Variants in TTC28 observed in about 807,000 individuals in gnomAD.
The protein encoded by TTC28 is tetratricopeptide repeat protein 28.
In TTC28, 61 loss-of-function variants were observed where a neutral mutation model predicts 198.0. The ratio of observed to expected loss-of-function variants is 0.31; its 90% CI spans 0.25 to 0.38. TTC28 has a LOEUF of 0.38. Ranked by LOEUF, TTC28 falls within the 10% of genes least tolerant of loss-of-function variation. The pLI, the probability that TTC28 is intolerant of heterozygous loss-of-function variation, is 1.00. For synonymous variants in TTC28, 1,171 were observed against 1,297.8 expected (o/e 0.90, Z 2.10); for missense variants, 2,678 against 3,164.0 (o/e 0.85, Z 3.69).
intron 2 of TTC28, among the ~76,000 whole-genome samples, chr22:28,440,772 G>A (rs1318070784): frequency 1.3e-5 from 2 of 152,208 alleles, no homozygotes; most frequent in African/African-American, 4.8e-5. Context: ...ATCTGATCAT[G>A]TGAGTATTCT....
At chr22:28,449,894 G>A (rs1601412473) in intron 2 of TTC28, among the ~76,000 whole-genome samples, 1 of 152,058 alleles carries the variant, frequency 6.6e-6, no homozygotes, top group African/African-American at 2.4e-5. Context: ...TTCATGAAAG[G>A]AACCAAGAAG....
chr22:28,471,790 G>A (rs2048099342), intron 2 of TTC28, among the ~76,000 whole-genome samples: 1 of 152,144 alleles, frequency 6.6e-6, no homozygotes, highest in South Asian at 2.1e-4. Context: ...AAGAACACTA[G>A]GAACATTAAC....
intron 5 of TTC28, among the ~76,000 whole-genome samples, chr22:28,256,421 CAAA>C (rs60958364): frequency 2.3e-4 from 15 of 65,306 alleles, no homozygotes; most frequent in African/African-American, 7.2e-4. Context: ...AACTCCGTCT[CAAA>C]AAAAAAAAAA....
At chr22:28,260,460 A>G (rs1031880383) in intron 5 of TTC28, among the ~76,000 whole-genome samples, 1 of 152,154 alleles carries the variant, frequency 6.6e-6, no homozygotes, top group Non-Finnish European at 1.5e-5. Context: ...GAAAAAAACA[A>G]TTCCATATTT....
chr22:28,054,821 T>A (rs188407329), intron 12 of TTC28, among the ~76,000 whole-genome samples: 1 of 152,354 alleles, frequency 6.6e-6, no homozygotes, highest in East Asian at 1.9e-4. Flanking sequence ...CCCAACTGGC[T>A]TTGAACATAC....
chr22:28,214,315 A>G (rs1045863410), intron 5 of TTC28, among the ~76,000 whole-genome samples: 1 of 152,220 alleles, frequency 6.6e-6, no homozygotes, highest in African/African-American at 2.4e-5. Context: ...TCTGCACAGC[A>G]AAAGAAACTA....
chr22:28,567,687 A>G (rs1475960987), intron 2 of TTC28, among the ~76,000 whole-genome samples: 1 of 151,552 alleles, frequency 6.6e-6, no homozygotes. Flanking sequence ...TGGCATTCCC[A>G]TTCACCCTTT....
At position 28,163,540 on chromosome 22, in the gene TTC28, G is replaced by C. The variant is rs1158276420; in HGVS notation, c.993C>G (p.Pro331=). Reference sequence around the variant, plus strand: ...ACTGTTTGTGACTGGCCAGTGCATTGGGGTAGTCTCCAATGGCTGTGTACA... The same window carrying C: ...ACTGTTTGTGACTGGCCAGTGCATTCGGGTAGTCTCCAATGGCTGTGTACA... ...GHVYTAIGDY[P]NALASHKQCV... The change falls in exon 6 of 23, where the codon CCC becomes CCG. Residue 331 remains proline, a synonymous_variant. Coordinates refer to ENST00000397906, the MANE Select transcript of TTC28 (RefSeq NM_001145418.2). 2 of 1,551,602 alleles carry C rather than the reference G, an allele frequency of 1.3e-6. No homozygotes were observed. Among genetic ancestry groups the C allele is most frequent in the South Asian group, 2.4e-5 (2 of 84,034 alleles).
Position 27,998,894 on chromosome 22 carries a change from C to T in TTC28, c.4765G>A (p.Ala1589Thr). 6.4e-7 allele frequency: 1 copy of T among 1,550,450 alleles called. No homozygotes were observed. Among genetic ancestry groups the T allele is most frequent in the Non-Finnish European group, 8.7e-7 (1 of 1,146,972 alleles). Residue 1589 changes from alanine (A) to threonine (T), a missense_variant, in exon 16 of 23, where the codon GCC (alanine) becomes ACC (threonine). Around this residue, in one of 8 missense-constraint regions of TTC28, gnomAD observed 727 missense variants for 861.9 expected, o/e 0.84. Coordinates refer to ENST00000397906, the MANE Select transcript of TTC28 (RefSeq NM_001145418.2). ...TCCGAGATGCTCTCCCCATCACTGG[C>T]ATCGTCCTGCACCCGCAAGGACTCA... ...IPESLRVQDD[A>T]SDGESISDCP...
intron 2 of TTC28, among the ~76,000 whole-genome samples, chr22:28,564,609 C>A (rs1320090456): frequency 6.6e-6 from 1 of 151,774 alleles, no homozygotes; most frequent in African/African-American, 2.4e-5. Context: ...CTCTGAACAT[C>A]TCAACAATAC....
At chr22:28,230,872 T>C (rs1035266040) in intron 5 of TTC28, among the ~76,000 whole-genome samples, 7 of 152,204 alleles carry the variant, frequency 4.6e-5, no homozygotes, top group Admixed American at 3.3e-4. Flanking sequence ...TCTAACCTCA[T>C]TACTCAATTC....
chr22:28,620,009 T>C (rs1164411098), intron 2 of TTC28, among the ~76,000 whole-genome samples: 3 of 152,126 alleles, frequency 2.0e-5, no homozygotes, highest in Admixed American at 1.3e-4. Flanking sequence ...AAAAAAACCA[T>C]CTTATTCCTG....
In TTC28 at chr22:28,614,333, T is replaced by C. The variant is rs568333308; in HGVS notation, c.381+15219A>G. On this transcript the variant is annotated intron_variant, in intron 2 of 22. Coordinates refer to ENST00000397906, the MANE Select transcript of TTC28 (RefSeq NM_001145418.2). Reference sequence around the variant, plus strand: ...TGGAAAAACATTCCATGCTCATGGATAGGAAGAATCAATATTGTGAAAATG... The same window carrying C: ...TGGAAAAACATTCCATGCTCATGGACAGGAAGAATCAATATTGTGAAAATG... Among the ~76,000 whole-genome samples the C allele has an allele frequency of 2.6e-5, 4 of 152,312 alleles. No individual in the cohort carries two copies. The East Asian group carries it at 7.7e-4, about 29-fold the overall frequency.
intron 2 of TTC28, among the ~76,000 whole-genome samples, chr22:28,447,897 A>G (rs1162794087): frequency 1.3e-5 from 2 of 152,122 alleles, no homozygotes; most frequent in Non-Finnish European, 2.9e-5. Flanking sequence ...TTTAATAGGT[A>G]CCACTCGACA....
intron 1 of TTC28, among the ~76,000 whole-genome samples, chr22:28,633,045 C>T (rs9625517): frequency 6.6e-6 from 1 of 151,146 alleles, no homozygotes; most frequent in East Asian, 2.0e-4. Flanking sequence ...TTTGGGAGGC[C>T]GAGGTGGGCG....
At chr22:28,399,293 T>C (rs1431120485) in intron 2 of TTC28, among the ~76,000 whole-genome samples, 1 of 151,816 alleles carries the variant, frequency 6.6e-6, no homozygotes, top group Non-Finnish European at 1.5e-5. Context: ...AAGTACAATG[T>C]TTGTATAAGT....
chr22:28,513,143 T>G (rs2048716793), intron 2 of TTC28, among the ~76,000 whole-genome samples: 1 of 152,090 alleles, frequency 6.6e-6, no homozygotes, highest in African/African-American at 2.4e-5. Flanking sequence ...CCACCATGCC[T>G]GGTCTGGAAA....
At chr22:28,434,412 G>C (rs1423661444) in intron 2 of TTC28, among the ~76,000 whole-genome samples, 1 of 152,114 alleles carries the variant, frequency 6.6e-6, no homozygotes, top group African/African-American at 2.4e-5. Flanking sequence ...ATGGGGCAGT[G>C]GTAGCTCATG....
chr22:28,290,880 C>G (rs1299685187), intron 5 of TTC28, among the ~76,000 whole-genome samples: 2 of 152,024 alleles, frequency 1.3e-5, no homozygotes, highest in African/African-American at 4.8e-5. Context: ...CCACTGCACT[C>G]CAGCCTGAGT....
Sources: allele counts gnomAD v4.1 joint callset (sites outside exome capture counted in the v4.1 genomes callset), GRCh38; gene constraint gnomAD v4.1.1; regional missense constraint gnomAD v4.1.1; transcripts MANE v1.5; gene names NCBI Gene and HGNC (gene_info 2026-07-23, HGNC 2026-07-21).